The following EXTL3 variants were observed in gnomAD, a reference collection of about 807,000 sequenced individuals.
EXTL3 encodes exostosin like glycosyltransferase 3.
EXTL3 carries 27 observed loss-of-function variants against 69.3 expected under a neutral mutation model. That is an observed-to-expected ratio of 0.39 (90% confidence interval 0.29 to 0.54). The LOEUF (loss-of-function observed/expected upper bound fraction) is 0.54. Among genes scored for constraint, EXTL3 ranks in the 20% least tolerant of loss-of-function variants. The probability of loss-of-function intolerance (pLI) is 0.69; values close to 1 mark genes in which losing one functional copy is unlikely to be tolerated. For synonymous variants in EXTL3, 511 were observed against 499.4 expected, an observed-to-expected ratio of 1.02 and a Z score of -0.31; for missense variants, 1,003 against 1,231.8, an observed-to-expected ratio of 0.81 and a Z score of 2.78.
chr8:28,609,754 A>C (rs1174411690), intron 2 of EXTL3, among the ~76,000 whole-genome samples: 1 of 151,636 alleles, frequency 6.6e-6, no homozygotes, highest in African/African-American at 2.4e-5. Flanking sequence ...ACTGCGCGTG[A>C]TGGTGTGAGC....
At position 28,750,380 on chromosome 8, in the gene EXTL3, G is replaced by A. The variant is rs141691616; in HGVS notation, c.2551-277G>A. On this transcript the variant is annotated intron_variant, in intron 6 of 6. Coordinates refer to ENST00000220562, the MANE Select transcript of EXTL3 (RefSeq NM_001440.4). This position sits in a 1 kb window ranked among gnomAD's most constrained non-coding sequence, Gnocchi z 5.2. ...CTCTGCAACCAAGTACATACTAGGA[G>A]TAGACTTACTGAGACAGCTGACACT... 1.4e-3 allele frequency among the ~76,000 whole-genome samples: 215 copies of A among 152,314 alleles called. 2 individuals carry two copies. Among genetic ancestry groups the A allele is most frequent in the African/African-American group, 4.8e-3 (199 of 41,566 alleles).
At chr8:28,611,559 A>C (rs1198452960) in intron 2 of EXTL3, among the ~76,000 whole-genome samples, 2 of 152,158 alleles carry the variant, frequency 1.3e-5, no homozygotes, top group Non-Finnish European at 2.9e-5. Flanking sequence ...GTGACTTTGA[A>C]TCTTACTGTA....
chr8:28,716,018 G>A lies in EXTL3; in HGVS notation c.-42G>A, dbSNP rs375617097. 2.1e-4 allele frequency: 322 copies of A among 1,524,518 alleles called. No individual in the cohort carries two copies. Among genetic ancestry groups the A allele is most frequent in the Non-Finnish European group, 2.7e-4 (300 of 1,119,042 alleles). The allele number at this position is 1,524,518 out of a possible 1,614,324, so 94.4% of individuals were successfully genotyped here. On this transcript the variant is annotated 5_prime_UTR_variant, in exon 3 of 7. Coordinates refer to ENST00000220562, the MANE Select transcript of EXTL3 (RefSeq NM_001440.4). This position sits in a 1 kb window ranked among gnomAD's most constrained non-coding sequence, Gnocchi z 7.1. ...TGGAATAGCAACCCATGGTTATGGC[G>A]AGTGACCCGACGTGATCTGGGGGGC...
At chr8:28,711,829 C>T (rs1051405760) in intron 1 of EXTL3, among the ~76,000 whole-genome samples, 1 of 152,106 alleles carries the variant, frequency 6.6e-6, no homozygotes, top group African/African-American at 2.4e-5. Context: ...AGATGGAACA[C>T]TAAAAAAGCA....
intron 1 of EXTL3, among the ~76,000 whole-genome samples, chr8:28,652,161 A>C (rs900857708): frequency 7.2e-5 from 11 of 151,938 alleles, no homozygotes; most frequent in Admixed American, 2.0e-4. Flanking sequence ...ATTGGTGTGC[A>C]AGTATTTGCC....
intron 1 of EXTL3, among the ~76,000 whole-genome samples, chr8:28,685,526 G>T (rs560825297): frequency 5.6e-4 from 85 of 151,432 alleles, no homozygotes; most frequent in Non-Finnish European, 1.1e-3. Context: ...GAAGTGGCAG[G>T]ATCATAACTC....
chr8:28,702,237 CCA>C (rs949579680), intron 1 of EXTL3, among the ~76,000 whole-genome samples: 1 of 152,214 alleles, frequency 6.6e-6, no homozygotes, highest in Non-Finnish European at 1.5e-5. Context: ...CTTTCAGGAG[CCA>C]CAGTCAGAGG....
intron 1 of EXTL3, among the ~76,000 whole-genome samples, chr8:28,690,053 T>C (rs240929): frequency 0.25 from 38,364 of 152,138 alleles, 4,901 homozygotes; most frequent in Middle Eastern, 0.33. Flanking sequence ...TACAGGGATG[T>C]TCATTTTGTG....
chr8:28,607,946 A>G (rs886290491), intron 2 of EXTL3, among the ~76,000 whole-genome samples: 1 of 151,228 alleles, frequency 6.6e-6, no homozygotes, highest in Non-Finnish European at 1.5e-5. Context: ...CCCCGTCTCT[A>G]CTAAATACAA....
rs1806698920 is a variant in EXTL3 at position 28,638,916 on chromosome 8, C to T, written c.-53+16106C>T. Among the ~76,000 whole-genome samples, 3 of 151,770 alleles carry T rather than the reference C, an allele frequency of 2.0e-5. 1 individual carries two copies. In the South Asian group the frequency reaches 6.2e-4, roughly 32 times the overall value. On this transcript the variant is annotated intron_variant, in intron 1 of 6. Transcript: ENST00000523149. ...AAAATACTGGGATTACAGGTGTGAGCCACTGAGCCTGGCTAGGAATAATTT... is the reference window on the plus strand; with the variant it reads ...AAAATACTGGGATTACAGGTGTGAGTCACTGAGCCTGGCTAGGAATAATTT...
intron 1 of EXTL3, among the ~76,000 whole-genome samples, chr8:28,646,475 A>G (rs1163710892): frequency 6.6e-6 from 1 of 151,942 alleles, no homozygotes; most frequent in Non-Finnish European, 1.5e-5. Flanking sequence ...TTGTCCAGCA[A>G]CTCTCTGTGA....
chr8:28,716,412 A>C lies in EXTL3; in HGVS notation c.353A>C (p.Lys118Thr). Residue 118 changes from lysine (K) to threonine (T), a missense_variant, in exon 3 of 7, where the codon AAG becomes ACG. Transcript: ENST00000220562. This position sits in a 1 kb window ranked among gnomAD's most constrained non-coding sequence, Gnocchi z 7.1. ...AKLNLKIEAC[K>T]KSIENAKQDL... ...CTGAATCTGAAGATCGAAGCCTGTA[A>C]GAAGAGCATTGAGAACGCCAAGCAG... The C allele has an allele frequency of 6.2e-7, 1 of 1,613,912 alleles. No individual in the cohort carries two copies. Among genetic ancestry groups the C allele is most frequent in the South Asian group, 1.1e-5 (1 of 91,078 alleles).
intron 1 of EXTL3, among the ~76,000 whole-genome samples, chr8:28,675,989 T>C (rs1336170046): frequency 1.6e-5 from 2 of 128,004 alleles, no homozygotes; most frequent in East Asian, 4.6e-4. Context: ...GCCACTGCTC[T>C]CCAGCCTGGG....
chr8:28,656,041 T>A (rs1045822372), intron 1 of EXTL3, among the ~76,000 whole-genome samples: 3 of 152,114 alleles, frequency 2.0e-5, no homozygotes, highest in Non-Finnish European at 2.9e-5. Context: ...TTGAGAACCT[T>A]CTGCCTTTTA....
At position 28,717,167 on chromosome 8, in the gene EXTL3, G is replaced by T. The variant is rs780570723; in HGVS notation, c.1108G>T (p.Asp370Tyr). ...ARSFEEEMEGDPPADYDDRII... is the reference protein window; with the variant it reads ...ARSFEEEMEGYPPADYDDRII... ...CTCCTTCGAAGAGGAAATGGAGGGC[G>T]ACCCTCCCGCCGACTACGATGACCG... is the stretch of plus-strand genomic sequence containing the variant. Residue 370 changes from aspartate (D) to tyrosine (Y), a missense_variant, in exon 3 of 7, where the codon GAC becomes TAC. Physicochemically the swap from Asp to Tyr is radical, Grantham distance 160. Transcript: ENST00000220562. This position sits in a 1 kb window ranked among gnomAD's most constrained non-coding sequence, Gnocchi z 8.3. 6.2e-7 allele frequency: 1 copy of T among 1,614,220 alleles called. No homozygotes were observed. Among genetic ancestry groups the T allele is most frequent in the Non-Finnish European group, 8.5e-7 (1 of 1,180,032 alleles).
chr8:28,688,096 TTG>T (rs1428594780), intron 1 of EXTL3, among the ~76,000 whole-genome samples: 1 of 151,320 alleles, frequency 6.6e-6, no homozygotes, highest in African/African-American at 2.4e-5. Flanking sequence ...AGTTTCGCTT[TTG>T]TCACCCAGGC....
chr8:28,741,163 G>A (rs4732871), intron 5 of EXTL3: 34,365 of 152,092 alleles, frequency 0.23, 4,312 homozygotes, highest in East Asian at 0.32. Flanking sequence ...GCCTCCCAAA[G>A]TGCTGGGATT....
At chr8:28,707,185 TA>T (rs1397983833) in intron 1 of EXTL3, among the ~76,000 whole-genome samples, 1 of 152,234 alleles carries the variant, frequency 6.6e-6, no homozygotes. Context: ...ATAATGATTG[TA>T]AAATGAATTA....
rs752177046 is a variant in EXTL3, at chr8:28,731,326, A to G, written c.2252A>G (p.His751Arg). ...ATTGATGACGATGCTCACCTCCGCC[A>G]TGACGAAATCATGTTTGGGTTCCGG... ...LSIDDDAHLR[H>R]DEIMFGFRVW... Residue 751 changes from histidine to arginine, a missense_variant, in exon 4 of 7, where the codon CAT becomes CGT. By Grantham distance (29) the His-to-Arg change is conservative (BLOSUM62 0). Transcript: ENST00000220562. The G allele has an allele frequency of 1.5e-5, 24 of 1,614,264 alleles. No individual in the cohort carries two copies. The highest frequency in any genetic ancestry group is 1.3e-4 in the East Asian group (6 of 44,892).
Sources: gnomAD v4.1 joint callset for allele counts (sites outside exome capture counted in the v4.1 genomes callset) on GRCh38, gnomAD v4.1.1 for gene constraint, Gnocchi (gnomAD v3.1) non-coding constraint, MANE v1.5 for transcripts, NCBI Gene and HGNC (gene_info 2026-07-23, HGNC 2026-07-21) for gene names.